The following BMX variants were observed in gnomAD, a reference collection of about 807,000 sequenced individuals.
BMX encodes BMX non-receptor tyrosine kinase, also known as cytoplasmic tyrosine-protein kinase BMX.
In BMX, 31 loss-of-function variants were observed where a neutral mutation model predicts 59.2. That is an observed-to-expected ratio of 0.52 (90% CI 0.39 to 0.71). The LOEUF is 0.71. Ranked by LOEUF, BMX falls within the 30% of genes least tolerant of loss-of-function variation. The probability of loss-of-function intolerance (pLI) is 0.00; values close to 1 mark genes in which losing one functional copy is unlikely to be tolerated. For missense variants in BMX, 474 were observed against 491.7 expected, an observed-to-expected ratio of 0.96 and a Z score of 0.34; for synonymous variants, 185 against 181.0, an observed-to-expected ratio of 1.02 and a Z score of -0.18.
intron 4 of BMX, among the ~76,000 whole-genome samples, chrX:15,513,512 C>T (rs1467611075): frequency 8.9e-6 from 1 of 111,998 alleles, no homozygotes; most frequent in Non-Finnish European, 1.9e-5. Flanking sequence ...CAAATATTCT[C>T]CCCTACAAAG....
chrX:15,545,339 T>A (rs1369696778), intron 16 of BMX, among the ~76,000 whole-genome samples: 2 of 112,332 alleles, frequency 1.8e-5, no homozygotes, highest in Non-Finnish European at 3.8e-5. Flanking sequence ...GAGATCCAAC[T>A]GCCCTACTTG....
intron 11 of BMX, among the ~76,000 whole-genome samples, chrX:15,532,134 C>T (rs1925105470): frequency 9.0e-6 from 1 of 111,155 alleles, no homozygotes; most frequent in South Asian, 3.8e-4. Context: ...ATAGTAAGCA[C>T]TTAATAAACT....
intron 11 of BMX, 33 bp downstream of exon 11, chrX:15,531,440 T>C: frequency 9.3e-7 from 1 of 1,077,001 alleles, no homozygotes; most frequent in Non-Finnish European, 1.3e-6. Context: ...TCTTTTCTCT[T>C]TCTGCGTATA....
At chrX:15,503,905 G>A (rs1264456378) in intron 1 of BMX, among the ~76,000 whole-genome samples, 1 of 111,963 alleles carries the variant, frequency 8.9e-6, no homozygotes, top group African/African-American at 3.2e-5. Context: ...TATCCCATGG[G>A]CTGGGAGTAT....
At chrX:15,513,753 G>A (rs73635809) in intron 4 of BMX, among the ~76,000 whole-genome samples, 10,382 of 110,907 alleles carry the variant, frequency 0.094, 1,161 homozygotes, top group African/African-American at 0.32. Context: ...AAAACAGAAG[G>A]GGGTTTTGCA....
chrX:15,540,428 T>C (rs1231941302), intron 14 of BMX, among the ~76,000 whole-genome samples: 2 of 107,418 alleles, frequency 1.9e-5, no homozygotes, highest in East Asian at 2.9e-4. Flanking sequence ...CTGGGGCTTG[T>C]TGGGGGGTGG....
chrX:15,552,586 C>T (rs773520370), intron 18 of BMX, among the ~76,000 whole-genome samples: 2 of 112,041 alleles, frequency 1.8e-5, no homozygotes, highest in South Asian at 3.7e-4. Context: ...ATCTTTGAAT[C>T]GTTAATTACT....
At chrX:15,524,540 G>A (rs1320522465) in intron 7 of BMX, among the ~76,000 whole-genome samples, 1 of 112,145 alleles carries the variant, frequency 8.9e-6, no homozygotes, top group East Asian at 2.8e-4. Flanking sequence ...AAACAACAAG[G>A]CTAAATAAAA....
intron 13 of BMX, among the ~76,000 whole-genome samples, chrX:15,536,788 T>A (rs1925376339): frequency 9.0e-6 from 1 of 111,014 alleles, no homozygotes; most frequent in African/African-American, 3.3e-5. Flanking sequence ...ACAGTTTAAT[T>A]TTTTTATTAA....
At chrX:15,537,712 A>G (rs899575886) in intron 14 of BMX, among the ~76,000 whole-genome samples, 7 of 110,855 alleles carry the variant, frequency 6.3e-5, no homozygotes, top group African/African-American at 2.3e-4. Flanking sequence ...CCCGCAAACA[A>G]TTATCTAGTG....
intron 5 of BMX, among the ~76,000 whole-genome samples, chrX:15,517,264 C>T (rs1924204252): frequency 8.9e-6 from 1 of 112,028 alleles, no homozygotes; most frequent in East Asian, 2.8e-4. Flanking sequence ...ATTTAATGAA[C>T]TATACAGATT....
At chrX:15,526,800 G>C (rs1924756859) in intron 9 of BMX, among the ~76,000 whole-genome samples, 1 of 109,781 alleles carries the variant, frequency 9.1e-6, no homozygotes, top group South Asian at 3.8e-4. Context: ...TTGCCAGGCT[G>C]GTCTTGAACT....
rs750835954 is a variant in BMX at position 15,516,117 on chromosome X, A to C, written c.331A>C (p.Arg111=). ...QWLKALQKEI[R]GNPHLLVKYH... is the part of the protein sequence containing the mutation. ...TCTTCCTGTCTGCTCCTCAGAGATA[A>C]GGGGTAACCCCCACCTGCTGGTCAA... Residue 111 remains arginine (R), a synonymous_variant, in exon 5 of 19, where the codon AGG becomes CGG. Coordinates refer to ENST00000348343, the MANE Select transcript of BMX (RefSeq NM_203281.3). 6 of 1,208,690 alleles carry C rather than the reference A, an allele frequency of 5.0e-6. No homozygotes were observed. The East Asian group carries it at 1.5e-4, about 30-fold the overall frequency.
At chrX:15,516,662 A>T (rs901974645) in intron 5 of BMX, among the ~76,000 whole-genome samples, 1 of 106,049 alleles carries the variant, frequency 9.4e-6, no homozygotes, top group Admixed American at 9.9e-5. Context: ...CAAACTGAAA[A>T]AACAACATTA....
chrX:15,526,562 C>T (rs185264483), intron 9 of BMX, among the ~76,000 whole-genome samples: 1 of 107,100 alleles, frequency 9.3e-6, no homozygotes, highest in African/African-American at 3.4e-5. Flanking sequence ...CGACAGATCT[C>T]TATTCTTAGG....
At chrX:15,507,910 G>A (rs1923800651) in intron 1 of BMX, among the ~76,000 whole-genome samples, 1 of 111,795 alleles carries the variant, frequency 8.9e-6, no homozygotes, top group Non-Finnish European at 1.9e-5. Context: ...GTGTCTCATA[G>A]TGGTTTGGGT....
chrX:15,515,968 A>C (rs1353507952), intron 4 of BMX, 144 bp from the exon 5 acceptor site: 1 of 769,300 alleles, frequency 1.3e-6, no homozygotes, highest in Non-Finnish European at 1.9e-6. Flanking sequence ...TGAAAGACCT[A>C]TATCCTTCCG....
intron 18 of BMX, among the ~76,000 whole-genome samples, chrX:15,550,366 G>A (rs901856816): frequency 2.4e-4 from 27 of 110,768 alleles, no homozygotes; most frequent in Admixed American, 2.9e-4. Flanking sequence ...TAGTGCCAGC[G>A]TCCCTGTTCT....
At chrX:15,521,664 G>A (rs56031722) in intron 6 of BMX, among the ~76,000 whole-genome samples, 1 of 110,552 alleles carries the variant, frequency 9.0e-6, no homozygotes. Context: ...AAGGTTGCAG[G>A]ACCTCTACTC....
Sources: gnomAD v4.1 joint callset for allele counts (sites outside exome capture counted in the v4.1 genomes callset) on GRCh38, gnomAD v4.1.1 for gene constraint, MANE v1.5 for transcripts, NCBI Gene and HGNC (gene_info 2026-07-23, HGNC 2026-07-21) for gene names.